The following TBC1D10A variants were observed in gnomAD, a reference collection of about 807,000 sequenced individuals.
TBC1D10A encodes TBC1 domain family member 10A, also known as EBP50-PDX interactor of 64 kDa.
In TBC1D10A, 24 loss-of-function variants were observed where a neutral mutation model predicts 52.9. The ratio of observed to expected loss-of-function variants is 0.45; its 90% CI spans 0.33 to 0.64. The LOEUF (loss-of-function observed/expected upper bound fraction) is 0.64, where lower values mean the gene tolerates loss of function less well. TBC1D10A is among the 30% of genes least tolerant of loss of function. The pLI, the probability that TBC1D10A is intolerant of heterozygous loss-of-function variation, is 0.02. For synonymous variants in TBC1D10A, 278 were observed against 282.9 expected, an observed-to-expected ratio of 0.98 and a Z score of 0.17; for missense variants, 602 against 687.9, an observed-to-expected ratio of 0.88 and a Z score of 1.40.
At position 30,313,550 on chromosome 22, in the gene TBC1D10A, A is replaced by AT. The variant is rs35640957; in HGVS notation, c.210-8921dup. 6.2e-3 allele frequency among the ~76,000 whole-genome samples: 263 copies of AT among 42,208 alleles called. 14 individuals carry two copies. Among genetic ancestry groups the AT allele is most frequent in the Admixed American group, 0.03 (71 of 2,328 alleles). The allele number at this position is 42,208 out of a possible 152,430, so 27.7% of individuals were successfully genotyped here. On this transcript the variant is annotated intron_variant, in intron 1 of 8. Transcript: ENST00000215790. ...AGGTGTGCGCCACCACGGCCAGCTA[A>AT]TTTTTTTTTTTTTTTTTTTTTTTTT...
chr22:30,318,676 T>A, intron 1 of TBC1D10A: 1 of 471,210 alleles, frequency 2.1e-6, no homozygotes, highest in Non-Finnish European at 4.4e-6. Flanking sequence ...TCAGCCCACA[T>A]GGCAGTCATG....
intron 1 of TBC1D10A, among the ~76,000 whole-genome samples, chr22:30,309,005 T>C (rs190620223): frequency 2.1e-4 from 32 of 152,314 alleles, no homozygotes; most frequent in Admixed American, 9.8e-4. Flanking sequence ...CTATATGCTA[T>C]TTCCAGTTCC....
chr22:30,307,165 T>C (rs950739555), intron 1 of TBC1D10A, among the ~76,000 whole-genome samples: 3 of 152,138 alleles, frequency 2.0e-5, no homozygotes, highest in African/African-American at 7.2e-5. Flanking sequence ...CTGAGGAGGC[T>C]TCCTCCTGAC....
intron 3 of TBC1D10A, chr22:30,296,570 G>A (rs1006320093): frequency 2.0e-5 from 3 of 152,178 alleles, no homozygotes; most frequent in Admixed American, 6.5e-5. Flanking sequence ...TCTGGGTGCC[G>A]AGGTTTCAAC....
intron 8 of TBC1D10A, 48 bp downstream of exon 8, chr22:30,293,603 C>G: frequency 6.3e-7 from 1 of 1,575,742 alleles, no homozygotes; most frequent in African/African-American, 1.3e-5. Flanking sequence ...AAAGGACCCC[C>G]ACCTGTCTTC....
chr22:30,324,848 G>A (rs921039434), intron 1 of TBC1D10A, among the ~76,000 whole-genome samples: 5 of 152,166 alleles, frequency 3.3e-5, no homozygotes. Flanking sequence ...GCTAGCAAGT[G>A]TAATTCCTAA....
chr22:30,323,724 G>C (rs922037796), intron 1 of TBC1D10A, among the ~76,000 whole-genome samples: 1 of 152,158 alleles, frequency 6.6e-6, no homozygotes, highest in East Asian at 1.9e-4. Context: ...CCAGCACTTC[G>C]GGAGGCTGAG....
Position 30,293,641 on chromosome 22 carries a change from T to G in TBC1D10A, c.1050+10A>C. ...CCCTCCCCATGATAAGGGGCAGGCA[T>G]GGGCTGTACCTCCTGGACCAGAAAG... On this transcript the variant is annotated intron_variant, in intron 8 of 8. Coordinates refer to ENST00000215790, the MANE Select transcript of TBC1D10A (RefSeq NM_031937.3). The G allele has an allele frequency of 6.2e-7, 1 of 1,601,352 alleles. No homozygotes were observed. Among genetic ancestry groups the G allele is most frequent in the African/African-American group, 1.3e-5 (1 of 74,782 alleles).
chr22:30,323,839 T>G (rs1005561415), intron 1 of TBC1D10A, among the ~76,000 whole-genome samples: 2 of 152,080 alleles, frequency 1.3e-5, no homozygotes, highest in Admixed American at 1.3e-4. Context: ...TGGTGATGGG[T>G]GCAATCTCTG....
chr22:30,304,686 C>G (rs1295271598), intron 1 of TBC1D10A, 56 bp from the exon 2 acceptor site: 12 of 1,594,210 alleles, frequency 7.5e-6, no homozygotes, highest in African/African-American at 1.3e-5. Flanking sequence ...AAGGCCCTGG[C>G]TTCATTCCCA....
chr22:30,326,832 T>A lies in TBC1D10A; in HGVS notation c.50A>T (p.Glu17Val), dbSNP rs1569166547. The A allele has an allele frequency of 2.7e-6, 4 of 1,468,444 alleles. No individual in the cohort carries two copies. Among genetic ancestry groups the A allele is most frequent in the Non-Finnish European group, 3.6e-6 (4 of 1,115,922 alleles). The allele number at this position is 1,468,444 out of a possible 1,614,324, so 91.0% of individuals were successfully genotyped here. A position where few individuals can be genotyped will look rare whatever the true frequency, so the allele number is the denominator to read the frequency against. ...ENGPRAPAAG[E>V]SLSGTRESLA... ...GCTCTCCCGGGTTCCCGACAGGCTT[T>A]CCCCGGCCGCGGGCGCGCGCGGCCC... is the stretch of plus-strand genomic sequence containing the variant. Residue 17 changes from glutamate (E) to valine (V), a missense_variant, in exon 1 of 9, where the codon GAA (glutamate) becomes GTA (valine). This residue lies in a region of TBC1D10A where 201 missense variants were observed against 204.4 expected (regional missense o/e 0.98). Transcript: ENST00000215790.
At chr22:30,313,810 A>G (rs1930479396) in intron 1 of TBC1D10A, among the ~76,000 whole-genome samples, 1 of 152,032 alleles carries the variant, frequency 6.6e-6, no homozygotes, top group Non-Finnish European at 1.5e-5. Context: ...CCTTGATATC[A>G]GGTGGGTAAA....
chr22:30,305,311 C>T (rs1230398350), intron 1 of TBC1D10A, among the ~76,000 whole-genome samples: 3 of 152,204 alleles, frequency 2.0e-5, no homozygotes, highest in Non-Finnish European at 2.9e-5. Flanking sequence ...ATGGGGATGC[C>T]GTCCCATGAT....
chr22:30,317,831 T>A (rs1930570130), intron 1 of TBC1D10A, among the ~76,000 whole-genome samples: 1 of 152,224 alleles, frequency 6.6e-6, no homozygotes, highest in Non-Finnish European at 1.5e-5. Context: ...ACTTGTTTAA[T>A]GTCTGATTTC....
chr22:30,323,947 G>A (rs1930712336), intron 1 of TBC1D10A, among the ~76,000 whole-genome samples: 1 of 148,932 alleles, frequency 6.7e-6, no homozygotes, highest in Non-Finnish European at 1.5e-5. Flanking sequence ...CTCCAGCCTG[G>A]GTGACAGAGC....
intron 1 of TBC1D10A, among the ~76,000 whole-genome samples, chr22:30,314,945 C>T (rs538207623): frequency 6.6e-6 from 1 of 152,212 alleles, no homozygotes; most frequent in African/African-American, 2.4e-5. Flanking sequence ...ACAGAGGCCC[C>T]GGGCAGCACT....
At chr22:30,326,633 G>A (rs1203166819) in intron 1 of TBC1D10A, 40 bp downstream of exon 1, 1 of 1,551,686 alleles carries the variant, frequency 6.4e-7, no homozygotes, top group East Asian at 2.6e-5. Context: ...GGCCCCTCGC[G>A]TGGGTGGCGC....
At chr22:30,320,932 C>T (rs2145785750) in intron 1 of TBC1D10A, among the ~76,000 whole-genome samples, 1 of 152,336 alleles carries the variant, frequency 6.6e-6, no homozygotes, top group African/African-American at 2.4e-5. Flanking sequence ...AGGGAGCACA[C>T]AGTACCTTCT....
intron 6 of TBC1D10A, 65 bp from the exon 7 acceptor site, chr22:30,294,175 C>A (rs1930022873): frequency 8.9e-6 from 14 of 1,567,522 alleles, no homozygotes; most frequent in Non-Finnish European, 1.2e-5. Flanking sequence ...AGAGACTACA[C>A]CCCAGCACCC....
Sources: allele counts gnomAD v4.1 joint callset (sites outside exome capture counted in the v4.1 genomes callset), GRCh38; gene constraint gnomAD v4.1.1; regional missense constraint gnomAD v4.1.1; transcripts MANE v1.5; gene names NCBI Gene and HGNC (gene_info 2026-07-23, HGNC 2026-07-21).